Variants in KLHDC1 observed in about 807,000 individuals in gnomAD.
KLHDC1 encodes the protein kelch domain containing 1.
Under a neutral mutation model 68.3 loss-of-function variants are expected in KLHDC1, and 53 were observed. The observed-to-expected ratio is 0.78, with a 90% confidence interval of 0.62 to 0.98. KLHDC1 has a LOEUF of 0.98. KLHDC1 is among the 50% of genes least tolerant of loss of function. The pLI is 0.00. For missense variants in KLHDC1, 470 were observed against 492.3 expected (o/e 0.95, Z 0.43); for synonymous variants, 148 against 159.0 (o/e 0.93, Z 0.52).
chr14:49,732,619 A>ATT (rs60013005), intron 8 of KLHDC1, 85 bp from the exon 9 acceptor site: 7,758 of 402,070 alleles, frequency 0.019, 5 homozygotes, highest in South Asian at 0.037. Context: ...GTGAGGGCAG[A>ATT]TTTTTTTTTT....
chr14:49,707,114 A>C (rs1888068662), intron 1 of KLHDC1, among the ~76,000 whole-genome samples: 1 of 152,084 alleles, frequency 6.6e-6, no homozygotes. Flanking sequence ...TTATAGTTTG[A>C]AGTCTTAGAT....
chr14:49,751,896 T>G lies in KLHDC1; in HGVS notation c.*124T>G. ...AAAGGATAAAAAAACAGTCACTCTG[T>G]TAAGTGACTATATGCCATGGGATAT... is the stretch of plus-strand genomic sequence containing the variant. On this transcript the variant is annotated 3_prime_UTR_variant, in exon 13 of 13. Transcript: ENST00000359332. The G allele has an allele frequency of 2.1e-6, 1 of 467,728 alleles. No homozygotes were observed. Among genetic ancestry groups the G allele is most frequent in the Non-Finnish European group, 3.8e-6 (1 of 264,012 alleles). 29.0% of individuals were successfully genotyped at this position (467,728 alleles called of 1,614,324 possible). A position where few individuals can be genotyped will look rare whatever the true frequency, so the allele number is the denominator to read the frequency against.
chr14:49,717,210 CTT>C, intron 4 of KLHDC1, among the ~76,000 whole-genome samples: 1 of 152,066 alleles, frequency 6.6e-6, no homozygotes, highest in East Asian at 1.9e-4. Context: ...GTTTTCAATT[CTT>C]TTGAGTATAT....
intron 1 of KLHDC1, among the ~76,000 whole-genome samples, chr14:49,703,128 T>C (rs1426109353): frequency 2.6e-5 from 4 of 151,988 alleles, no homozygotes; most frequent in Non-Finnish European, 4.4e-5. Context: ...TAAACAACTG[T>C]TTACTTTCCA....
intron 10 of KLHDC1, among the ~76,000 whole-genome samples, chr14:49,739,577 G>A (rs1246344814): frequency 1.3e-5 from 2 of 152,108 alleles, no homozygotes; most frequent in Non-Finnish European, 2.9e-5. Context: ...GGAACATAGA[G>A]TAGGAAAAAA....
At chr14:49,694,564 A>C (rs1377882558) in intron 1 of KLHDC1, among the ~76,000 whole-genome samples, 2 of 152,160 alleles carry the variant, frequency 1.3e-5, no homozygotes, top group Non-Finnish European at 2.9e-5. Flanking sequence ...AAAAAAATGT[A>C]CATACCTGGC....
rs1260352133 is a variant in KLHDC1 at position 49,752,429 on chromosome 14, A to G, written c.*657A>G. ...TAAGTTATTAGTTTGTCTAGTTTAT[A>G]TATAAAGACCATGTTTTAAAGTACA... On this transcript the variant is annotated 3_prime_UTR_variant, in exon 13 of 13. Transcript: ENST00000359332. 1 of 152,546 alleles carries G rather than the reference A, an allele frequency of 6.6e-6. No homozygotes were observed. The highest frequency in any genetic ancestry group is 1.5e-5 in the Non-Finnish European group (1 of 67,946). The allele number at this position is 152,546 out of a possible 1,614,324, so 9.4% of individuals were successfully genotyped here.
chr14:49,743,703 CATT>C (rs768136847), intron 11 of KLHDC1, 47 bp from the exon 12 acceptor site: 11 of 1,035,154 alleles, frequency 1.1e-5, no homozygotes, highest in African/African-American at 1.6e-5. Flanking sequence ...ATTATTAACT[CATT>C]GTTATTTTTA....
intron 4 of KLHDC1, among the ~76,000 whole-genome samples, chr14:49,715,148 A>T (rs1888337302): frequency 6.7e-6 from 1 of 148,604 alleles, no homozygotes; most frequent in Admixed American, 6.7e-5. Flanking sequence ...TCTGAGACAG[A>T]GTCTCATTCT....
chr14:49,731,643 T>G (rs1369583828), intron 8 of KLHDC1, among the ~76,000 whole-genome samples: 1 of 151,904 alleles, frequency 6.6e-6, no homozygotes, highest in Non-Finnish European at 1.5e-5. Context: ...CTATAACTTA[T>G]GTTTTTATTT....
intron 6 of KLHDC1, among the ~76,000 whole-genome samples, chr14:49,726,838 G>A (rs1888682669): frequency 6.6e-6 from 1 of 152,168 alleles, no homozygotes; most frequent in Non-Finnish European, 1.5e-5. Context: ...GCTTCTCTTT[G>A]TGTGCTTGTT....
chr14:49,693,281 G>C lies in KLHDC1; in HGVS notation c.87G>C (p.Gly29=), dbSNP rs1887621786. The change falls in exon 1 of 13, where the codon GGG becomes GGC. Residue 29 remains glycine (G), a synonymous_variant. Coordinates refer to ENST00000359332, the MANE Select transcript of KLHDC1 (RefSeq NM_172193.3). ...ACGGAAACTTCCTCTACGTGTGGGG[G>C]GGCTACGTGGTAAGGGGAAGAGGCG... ...VVDGNFLYVW[G]GYVSIEDNEV... 5 of 1,550,306 alleles carry C rather than the reference G, an allele frequency of 3.2e-6. No individual in the cohort carries two copies. Among genetic ancestry groups the C allele is most frequent in the Non-Finnish European group, 4.3e-6 (5 of 1,149,782 alleles).
At chr14:49,696,879 C>T (rs1344266382) in intron 1 of KLHDC1, among the ~76,000 whole-genome samples, 1 of 151,846 alleles carries the variant, frequency 6.6e-6, no homozygotes, top group African/African-American at 2.4e-5. Context: ...AGGGACAGTC[C>T]ACTCTTCCTT....
chr14:49,719,257 C>T (rs1888465200), intron 4 of KLHDC1, among the ~76,000 whole-genome samples: 1 of 151,924 alleles, frequency 6.6e-6, no homozygotes, highest in African/African-American at 2.4e-5. Context: ...CTATAAATTT[C>T]CCTCTGAGCC....
At chr14:49,712,009 C>T (rs1486574386) in intron 4 of KLHDC1, among the ~76,000 whole-genome samples, 1 of 149,242 alleles carries the variant, frequency 6.7e-6, no homozygotes, top group Non-Finnish European at 1.5e-5. Flanking sequence ...CCTCTGCCTC[C>T]CAAGTTCAAG....
At chr14:49,715,749 A>G (rs1485203024) in intron 4 of KLHDC1, among the ~76,000 whole-genome samples, 4 of 131,506 alleles carry the variant, frequency 3.0e-5, no homozygotes, top group African/African-American at 1.2e-4. Flanking sequence ...CAAAAAAAAA[A>G]AAAAAAAAAA....
intron 4 of KLHDC1, among the ~76,000 whole-genome samples, chr14:49,711,241 G>A (rs1888191724): frequency 6.6e-6 from 1 of 151,884 alleles, no homozygotes; most frequent in Non-Finnish European, 1.5e-5. Context: ...TCGCTCTGTC[G>A]CCTAGGCTGG....
chr14:49,732,320 A>G (rs1455935917), intron 8 of KLHDC1, among the ~76,000 whole-genome samples: 1 of 151,958 alleles, frequency 6.6e-6, no homozygotes, highest in African/African-American at 2.4e-5. Flanking sequence ...CTACAGGCGC[A>G]TGCCACCAGG....
intron 12 of KLHDC1, among the ~76,000 whole-genome samples, chr14:49,747,538 C>A (rs1390303886): frequency 2.0e-5 from 3 of 152,218 alleles, no homozygotes; most frequent in South Asian, 4.1e-4. Flanking sequence ...AGAAAGGATT[C>A]TTTTCTTTAA....
Sources: allele counts gnomAD v4.1 joint callset (sites outside exome capture counted in the v4.1 genomes callset), GRCh38; gene constraint gnomAD v4.1.1; transcripts MANE v1.5; gene names NCBI Gene and HGNC (gene_info 2026-07-23, HGNC 2026-07-21).